The following CALR variants were observed in gnomAD, a reference collection of about 807,000 sequenced individuals.
CALR encodes calreticulin.
Under a neutral mutation model 51.1 loss-of-function variants are expected in CALR, and 15 were observed. The ratio of observed to expected loss-of-function variants is 0.29; its 90% CI spans 0.20 to 0.45. The LOEUF (loss-of-function observed/expected upper bound fraction) is 0.45. Among genes scored for constraint, CALR ranks in the 20% least tolerant of loss-of-function variants. CALR has a pLI of 1.00. For synonymous variants in CALR, 239 were observed against 205.9 expected, an observed-to-expected ratio of 1.16 and a Z score of -1.38; for missense variants, 477 against 530.6, an observed-to-expected ratio of 0.90 and a Z score of 0.99.
Position 12,939,218 on chromosome 19 carries a change from A to G in CALR, c.176A>G (p.Asp59Gly). ...CTCAGTTCCGGCAAGTTCTACGGTGACGAGGAGAAAGATAAAGGTAAGAGC... is the reference window on the plus strand; with the variant it reads ...CTCAGTTCCGGCAAGTTCTACGGTGGCGAGGAGAAAGATAAAGGTAAGAGC... ...FVLSSGKFYG[D>G]EEKDKGLQTS... is the part of the protein sequence containing the mutation. The change falls in exon 2 of 9, where the codon GAC (aspartate) becomes GGC (glycine). Residue 59 changes from aspartate to glycine, a missense_variant. Transcript: ENST00000316448. 1 of 1,610,070 alleles carries G rather than the reference A, an allele frequency of 6.2e-7. No individual in the cohort carries two copies. Among genetic ancestry groups the G allele is most frequent in the Non-Finnish European group, 8.5e-7 (1 of 1,177,790 alleles).
Position 12,943,798 on chromosome 19 carries a change from A to G in CALR, c.1139A>G (p.Glu380Gly), listed in dbSNP as rs201971744. 210 of 1,589,418 alleles carry G rather than the reference A, an allele frequency of 1.3e-4. 1 individual carries two copies. The Admixed American group carries it at 2.3e-3, about 17-fold the overall frequency. ...GAAGACAAGAAACGCAAAGAGGAGG[A>G]GGAGGCAGAGGACAAGGAGGATGAT... ...EEEDKKRKEE[E>G]EAEDKEDDED... The change falls in exon 9 of 9, where the codon GAG becomes GGG. Residue 380 changes from glutamate (E) to glycine (G), a missense_variant. Transcript: ENST00000316448.
At chr19:12,942,775 TG>T (rs1276555992) in intron 7 of CALR, among the ~76,000 whole-genome samples, 1 of 150,686 alleles carries the variant, frequency 6.6e-6, no homozygotes, top group Admixed American at 6.6e-5. Context: ...TTTTTTGAGA[TG>T]GAATTTCACT....
chr19:12,940,204 A>T, intron 4 of CALR, 39 bp from the exon 5 acceptor site: 1 of 1,611,272 alleles, frequency 6.2e-7, no homozygotes, highest in Non-Finnish European at 8.5e-7. Context: ...GGTCAGCCTC[A>T]TTGGGGGGTG....
intron 2 of CALR, 55 bp downstream of exon 2, chr19:12,939,290 T>C (rs1336945125): frequency 6.9e-7 from 1 of 1,443,466 alleles, no homozygotes; most frequent in African/African-American, 1.4e-5. Context: ...GCAGAAGTCC[T>C]TGTCTGTACA....
rs769245573 is a variant in CALR, at chr19:12,940,626, C to G, written c.788C>G (p.Pro263Arg). 1.2e-6 allele frequency: 2 copies of G among 1,614,084 alleles called. No individual in the cohort carries two copies. The highest frequency in any genetic ancestry group is 2.2e-5 in the East Asian group (1 of 44,886). Residue 263 changes from proline (P) to arginine (R), a missense_variant, in exon 6 of 9, where the codon CCC becomes CGC. Physicochemically the swap from Pro to Arg is moderately radical, Grantham distance 103. Coordinates refer to ENST00000316448, the MANE Select transcript of CALR (RefSeq NM_004343.4). ...GAAGAGATGGACGGAGAGTGGGAACCCCCAGTGATTCAGAACCCTGAGTAC... is the reference window on the plus strand; with the variant it reads ...GAAGAGATGGACGGAGAGTGGGAACGCCCAGTGATTCAGAACCCTGAGTAC... The part of the protein sequence containing the change: ...WDEEMDGEWE[P>R]PVIQNPEYKG...
At position 12,944,356 on chromosome 19, in the gene CALR, C is replaced by T. The variant is rs1037815379; in HGVS notation, c.*443C>T. The T allele has an allele frequency of 3.8e-6, 1 of 266,336 alleles. No individual in the cohort carries two copies. The highest frequency in any genetic ancestry group is 7.4e-6 in the Non-Finnish European group (1 of 135,642). The allele number at this position is 266,336 out of a possible 1,614,324, so 16.5% of individuals were successfully genotyped here. On this transcript the variant is annotated 3_prime_UTR_variant, in exon 9 of 9. Transcript: ENST00000316448. ...CACTGAGGAAGAACGGGGCTCTTCT[C>T]ATTTCACCCCTCCCTTTCTCCCCTG...
rs973377046 is a variant in CALR at position 12,941,317 on chromosome 19, C to T, written c.960+430C>T. ...ACAAAAAAAATTTTTTTTTTTGAGA[C>T]AGAGTTTCACTCTTGTTGCTGAGGC... On this transcript the variant is annotated intron_variant, in intron 7 of 8. Transcript: ENST00000316448. Among the ~76,000 whole-genome samples, 4 of 151,958 alleles carry T rather than the reference C, an allele frequency of 2.6e-5. No individual in the cohort carries two copies. In the East Asian group the frequency reaches 7.7e-4, roughly 29 times the overall value.
At chr19:12,938,834 C>A in intron 1 of CALR, 64 bp downstream of exon 1, 1 of 1,218,266 alleles carries the variant, frequency 8.2e-7, no homozygotes, top group Non-Finnish European at 1.2e-6. Flanking sequence ...CCTGGATCTG[C>A]GTTGTCGCCC....
Position 12,943,892 on chromosome 19 carries a change from C to T in CALR, c.1233C>T (p.Gly411=), listed in dbSNP as rs1369682885. 1.3e-6 allele frequency: 2 copies of T among 1,597,528 alleles called. No homozygotes were observed. Among genetic ancestry groups the T allele is most frequent in the Admixed American group, 1.7e-5 (1 of 57,738 alleles). Residue 411 remains glycine (G), a synonymous_variant, in exon 9 of 9, where the codon GGC becomes GGT. Coordinates refer to ENST00000316448, the MANE Select transcript of CALR (RefSeq NM_004343.4). ...KEEDEEEDVP[G]QAKDEL is the part of the protein sequence containing the mutation. Reference sequence around the variant, plus strand: ...AAGATGAGGAGGAAGATGTCCCCGGCCAGGCCAAGGACGAGCTGTAGAGAG... The same window carrying T: ...AAGATGAGGAGGAAGATGTCCCCGGTCAGGCCAAGGACGAGCTGTAGAGAG...
In CALR at chr19:12,939,315, A is replaced by T; in HGVS notation, c.193+80A>T. The T allele has an allele frequency of 3.5e-6, 5 of 1,433,224 alleles. No individual in the cohort carries two copies. The South Asian group carries it at 5.8e-5, about 17-fold the overall frequency. 88.8% of individuals were successfully genotyped at this position (1,433,224 alleles called of 1,614,324 possible). On this transcript the variant is annotated intron_variant, in intron 2 of 8. Transcript: ENST00000316448. ...TTGTCTGTACACACACAGCCGGGAC[A>T]GTCCCCTTGGAGGAGGACAGGTGGA...
At chr19:12,939,051 C>T in intron 1 of CALR, 83 bp from the exon 2 acceptor site, 2 of 839,558 alleles carry the variant, frequency 2.4e-6, no homozygotes, top group Non-Finnish European at 2.0e-6. Flanking sequence ...CTGTCCCCAG[C>T]AGCTTGTGGC....
chr19:12,940,636 T>G lies in CALR; in HGVS notation c.798T>G (p.Ile266Met), dbSNP rs372688428. Residue 266 changes from isoleucine (I) to methionine (M), a missense_variant, in exon 6 of 9, where the codon ATT (isoleucine) becomes ATG (methionine). Ile to Met is a conservative substitution (Grantham distance 10). Transcript: ENST00000316448. Reference protein sequence around the residue: ...EMDGEWEPPVIQNPEYKGEWK... With the variant: ...EMDGEWEPPVMQNPEYKGEWK... ...ACGGAGAGTGGGAACCCCCAGTGAT[T>G]CAGAACCCTGAGTACAAGGTGAGTT... 1 of 1,614,120 alleles carries G rather than the reference T, an allele frequency of 6.2e-7. No homozygotes were observed.
At chr19:12,941,423 G>A (rs1971544402) in intron 7 of CALR, among the ~76,000 whole-genome samples, 2 of 151,620 alleles carry the variant, frequency 1.3e-5, no homozygotes, top group African/African-American at 4.9e-5. Context: ...AGCCTCCGGA[G>A]TAGCTGGGAT....
Position 12,940,033 on chromosome 19 carries a change from TG to T in CALR, c.398-18del. On this transcript the variant is annotated intron_variant, in intron 3 of 8. Coordinates refer to ENST00000316448, the MANE Select transcript of CALR (RefSeq NM_004343.4). ...TGATGGGTAGTCTCTGACTCTTAACTGGATCTGCTTCACACCTAGGTCCCGA... is the reference window on the plus strand; with the variant it reads ...TGATGGGTAGTCTCTGACTCTTAACTGATCTGCTTCACACCTAGGTCCCGA... The T allele has an allele frequency of 6.4e-7, 1 of 1,567,150 alleles. No individual in the cohort carries two copies. Among genetic ancestry groups the T allele is most frequent in the Non-Finnish European group, 8.8e-7 (1 of 1,137,170 alleles).
At chr19:12,941,774 C>T (rs1971551014) in intron 7 of CALR, among the ~76,000 whole-genome samples, 1 of 151,036 alleles carries the variant, frequency 6.6e-6, no homozygotes, top group South Asian at 2.1e-4. Flanking sequence ...TGAGCCACCT[C>T]ACCCAGCCTT....
chr19:12,941,178 G>C (rs1198893910), intron 7 of CALR, among the ~76,000 whole-genome samples: 1 of 152,194 alleles, frequency 6.6e-6, no homozygotes, highest in African/African-American at 2.4e-5. Flanking sequence ...GCTGGGCACA[G>C]TGGCTCACCC....
Position 12,940,565 on chromosome 19 carries a change from C to G in CALR, c.727C>G (p.Pro243Ala), listed in dbSNP as rs1239263833. Reference sequence around the variant, plus strand: ...GGACTGGGACAAGCCCGAGCATATCCCTGACCCTGATGCTAAGAAGCCCGA... The same window carrying G: ...GGACTGGGACAAGCCCGAGCATATCGCTGACCCTGATGCTAAGAAGCCCGA... The part of the protein sequence containing the change: ...PEDWDKPEHI[P>A]DPDAKKPEDW... The change falls in exon 6 of 9, where the codon CCT becomes GCT. Residue 243 changes from proline to alanine, a missense_variant. Pro to Ala is a conservative substitution (Grantham distance 27). Transcript: ENST00000316448. 6.2e-7 allele frequency: 1 copy of G among 1,614,108 alleles called. No individual in the cohort carries two copies. Among genetic ancestry groups the G allele is most frequent in the South Asian group, 1.1e-5 (1 of 91,078 alleles).
chr19:12,942,593 CTTTTTTT>C (rs527758922), intron 7 of CALR, among the ~76,000 whole-genome samples: 1 of 133,394 alleles, frequency 7.5e-6, no homozygotes, highest in Admixed American at 7.6e-5. Context: ...GTCTCTCCAT[CTTTTTTT>C]TTTTTTTTTT....
rs58546164 is a variant in CALR, at chr19:12,944,089, C to CT, written c.*194dup. On this transcript the variant is annotated 3_prime_UTR_variant, in exon 9 of 9. Transcript: ENST00000316448. ...CACTCTCCCCCACCCCCTCCCCGCC[C>CT]TTTTTTTTTTTTTTTTTTAAACTGG... The CT allele has an allele frequency of 0.013, 8,731 of 650,022 alleles. No homozygotes were observed. The highest frequency in any genetic ancestry group is 0.016 in the Non-Finnish European group (6,839 of 420,678). 40.3% of individuals were successfully genotyped at this position (650,022 alleles called of 1,614,324 possible). A position where few individuals can be genotyped will look rare whatever the true frequency, so the allele number is the denominator to read the frequency against.
Sources: allele counts gnomAD v4.1 joint callset (sites outside exome capture counted in the v4.1 genomes callset), GRCh38; gene constraint gnomAD v4.1.1; transcripts MANE v1.5; gene names NCBI Gene and HGNC (gene_info 2026-07-23, HGNC 2026-07-21).